MROH9: variants seen among roughly 807,000 people sequenced by gnomAD.
The protein encoded by MROH9 is maestro heat like repeat family member 9, also known as maestro heat-like repeat-containing protein family member 9.
Under a neutral mutation model 98.2 loss-of-function variants are expected in MROH9, and 92 were observed. The observed-to-expected ratio is 0.94, with a 90% CI of 0.79 to 1.11. The LOEUF is 1.11. Among genes scored for constraint, MROH9 ranks in the 50% most tolerant of loss-of-function variants. The pLI, the probability that MROH9 is intolerant of heterozygous loss-of-function variation, is 0.00. For missense variants in MROH9, 1,057 were observed against 1,014.8 expected (o/e 1.04, Z -0.57); for synonymous variants, 397 against 368.9 (o/e 1.08, Z -0.87).
At chr1:171,024,307 T>G in intron 17 of MROH9, 88 bp from the exon 18 acceptor site, 1 of 822,960 alleles carries the variant, frequency 1.2e-6, no homozygotes, top group Non-Finnish European at 1.9e-6. Context: ...ATATGGGGTG[T>G]GTGTGTGTGT....
At chr1:170,950,292 A>G (rs1649499045) in intron 3 of MROH9, among the ~76,000 whole-genome samples, 1 of 152,094 alleles carries the variant, frequency 6.6e-6, no homozygotes, top group Non-Finnish European at 1.5e-5. Context: ...TAGTACTAAC[A>G]ATAATTATGA....
chr1:170,990,065 T>A, intron 11 of MROH9, 62 bp downstream of exon 11: 1 of 1,497,460 alleles, frequency 6.7e-7, no homozygotes, highest in Non-Finnish European at 9.0e-7. Flanking sequence ...CACTGTCAGA[T>A]GGACCTGGGT....
At chr1:171,060,843 C>G (rs1206155839) in intron 20 of MROH9, among the ~76,000 whole-genome samples, 7 of 151,970 alleles carry the variant, frequency 4.6e-5, no homozygotes, top group Non-Finnish European at 1.0e-4. Context: ...AACAGGACCT[C>G]AAAATTAACT....
intron 10 of MROH9, among the ~76,000 whole-genome samples, chr1:170,989,559 C>T (rs1651272029): frequency 6.6e-6 from 1 of 152,184 alleles, no homozygotes; most frequent in Non-Finnish European, 1.5e-5. Context: ...ATGTATGTTT[C>T]CTATACCGAG....
At position 170,945,592 on chromosome 1, in the gene MROH9, A is replaced by C; in HGVS notation, c.25+11A>C. On this transcript the variant is annotated intron_variant, in intron 2 of 21. Coordinates refer to ENST00000367759, the MANE Select transcript of MROH9 (RefSeq NM_001163629.2). ...GGAATCCAAAAACAAGTAAGGCTTT[A>C]GGACACAATAGAGATGGGAGAAGGT... is the stretch of plus-strand genomic sequence containing the variant. The C allele has an allele frequency of 6.2e-7, 1 of 1,610,770 alleles. No individual in the cohort carries two copies. The highest frequency in any genetic ancestry group is 8.5e-7 in the Non-Finnish European group (1 of 1,178,144).
At chr1:171,044,232 T>C (rs1037802454) in intron 20 of MROH9, among the ~76,000 whole-genome samples, 1 of 152,224 alleles carries the variant, frequency 6.6e-6, no homozygotes, top group Non-Finnish European at 1.5e-5. Context: ...CATATGGTTT[T>C]ATCTTTCATT....
chr1:171,062,789 T>C (rs1654051397), intron 21 of MROH9, among the ~76,000 whole-genome samples: 1 of 152,210 alleles, frequency 6.6e-6, no homozygotes, highest in Admixed American at 6.5e-5. Flanking sequence ...TTCCTTCCTT[T>C]TTCTTTCTTA....
intron 15 of MROH9, among the ~76,000 whole-genome samples, chr1:171,007,834 C>A (rs561429543): frequency 3.3e-5 from 5 of 152,150 alleles, no homozygotes; most frequent in African/African-American, 1.2e-4. Context: ...AGAACCAACA[C>A]CAAATGTAGC....
At chr1:171,029,188 A>C (rs1292378062) in intron 20 of MROH9, among the ~76,000 whole-genome samples, 2 of 151,986 alleles carry the variant, frequency 1.3e-5, no homozygotes, top group African/African-American at 4.8e-5. Context: ...ATTGTGAGAT[A>C]TCTTCCTTCA....
At chr1:171,048,987 A>G (rs2101866344) in intron 20 of MROH9, among the ~76,000 whole-genome samples, 1 of 152,182 alleles carries the variant, frequency 6.6e-6, no homozygotes, top group African/African-American at 2.4e-5. Flanking sequence ...CTGACTGGTG[A>G]CCTATCCTAC....
intron 1 of MROH9, among the ~76,000 whole-genome samples, chr1:170,936,607 C>T (rs1648893800): frequency 6.6e-6 from 1 of 152,202 alleles, no homozygotes; most frequent in Admixed American, 6.5e-5. Flanking sequence ...GTAATATTAA[C>T]TAACCATAAT....
chr1:170,996,381 C>A, intron 13 of MROH9, 126 bp from the exon 14 acceptor site: 1 of 991,396 alleles, frequency 1.0e-6, no homozygotes, highest in Non-Finnish European at 1.5e-6. Context: ...AATCTTTTTC[C>A]ATTGAGACAT....
chr1:171,004,585 G>A (rs1472821121), intron 15 of MROH9, among the ~76,000 whole-genome samples: 1 of 152,178 alleles, frequency 6.6e-6, no homozygotes, highest in Non-Finnish European at 1.5e-5. Context: ...CCGCGGTTGG[G>A]GCACTCACAG....
chr1:171,044,884 G>GTTTAACT (rs1381558083), intron 20 of MROH9, among the ~76,000 whole-genome samples: 1 of 123,854 alleles, frequency 8.1e-6, no homozygotes, highest in Admixed American at 8.1e-5. Flanking sequence ...TGTCACTTTT[G>GTTTAACT]TTTAACTTTT....
chr1:170,939,462 A>AC (rs1649032196), intron 1 of MROH9, among the ~76,000 whole-genome samples: 8 of 152,342 alleles, frequency 5.3e-5, no homozygotes, highest in Admixed American at 5.2e-4. Flanking sequence ...CCTGTATATC[A>AC]TGTAGAACCA....
rs1157046194 is a variant in MROH9, at chr1:170,989,933, A to T, written c.958A>T (p.Thr320Ser). 9.3e-6 allele frequency: 15 copies of T among 1,613,522 alleles called. No homozygotes were observed. Among genetic ancestry groups the T allele is most frequent in the Non-Finnish European group, 1.3e-5 (15 of 1,179,566 alleles). Residue 320 changes from threonine (T) to serine (S), a missense_variant, in exon 11 of 22, where the codon ACT becomes TCT. Coordinates refer to ENST00000367759, the MANE Select transcript of MROH9 (RefSeq NM_001163629.2). The stretch of plus-strand genomic sequence containing the variant: ...GAAGGATGTTATGTTGCAGGTTATC[A>T]CTTTGTTGACATGCACTTCACCCAA... ...CMKDVMLQVI[T>S]LLTCTSPKKV...
chr1:170,987,012 G>A (rs1410707096), intron 10 of MROH9, among the ~76,000 whole-genome samples: 1 of 151,422 alleles, frequency 6.6e-6, no homozygotes, highest in Admixed American at 6.6e-5. Flanking sequence ...CACCACACCC[G>A]GCTAATTTTT....
chr1:171,043,015 CT>C, intron 20 of MROH9, among the ~76,000 whole-genome samples: 1 of 152,056 alleles, frequency 6.6e-6, no homozygotes, highest in South Asian at 2.1e-4. Flanking sequence ...TCCATTTTTG[CT>C]TTGGTTGTTT....
At chr1:170,956,597 T>G (rs1462253674) in intron 3 of MROH9, among the ~76,000 whole-genome samples, 4 of 34,520 alleles carry the variant, frequency 1.2e-4, no homozygotes, top group Non-Finnish European at 4.4e-4. Context: ...TTTTTTTTGT[T>G]TTTTTTTTTT....
Sources: allele counts gnomAD v4.1 joint callset (sites outside exome capture counted in the v4.1 genomes callset), GRCh38; gene constraint gnomAD v4.1.1; transcripts MANE v1.5; gene names NCBI Gene and HGNC (gene_info 2026-07-23, HGNC 2026-07-21).